MCM3AP: variants seen among roughly 807,000 people sequenced by gnomAD.
MCM3AP encodes the protein germinal-center associated nuclear protein.
MCM3AP carries 126 observed loss-of-function variants against 184.1 expected under a neutral mutation model. The ratio of observed to expected loss-of-function variants is 0.68; its 90% CI spans 0.59 to 0.79. MCM3AP has a LOEUF of 0.79. Among genes scored for constraint, MCM3AP ranks in the 30% least tolerant of loss-of-function variants. MCM3AP has a pLI of 0.00. For synonymous variants in MCM3AP, 1,002 were observed against 979.3 expected (o/e 1.02, Z -0.43); for missense variants, 2,496 against 2,479.2 (o/e 1.01, Z -0.14).
chr21:46,242,784 A>C lies in MCM3AP; in HGVS notation c.5426+18T>G. On this transcript the variant is annotated intron_variant, in intron 25 of 27. Transcript: ENST00000291688. The stretch of plus-strand genomic sequence containing the variant: ...ACAGTTTAGCAAGCAACAGAAACAT[A>C]CTGAACATGAACCTCACCGTCCCTC... The C allele has an allele frequency of 6.3e-7, 1 of 1,594,806 alleles. No homozygotes were observed. Among genetic ancestry groups the C allele is most frequent in the Admixed American group, 1.8e-5 (1 of 54,242 alleles).
intron 19 of MCM3AP, 184 bp from the exon 20 acceptor site, chr21:46,251,866 C>A: frequency 2.5e-6 from 1 of 400,010 alleles, no homozygotes; most frequent in Non-Finnish European, 4.6e-6. Context: ...AATGGAGCAA[C>A]GATCTGTACT....
rs763821918 is a variant in MCM3AP, at chr21:46,283,764, A to G, written c.1294T>C (p.Ser432Pro). 16 of 1,614,002 alleles carry G rather than the reference A, an allele frequency of 9.9e-6. No homozygotes were observed. Among genetic ancestry groups the G allele is most frequent in the Non-Finnish European group, 1.1e-5 (13 of 1,179,978 alleles). ...STDSLGGLSP[S>P]EVTAIQCKNI... ...TTGCACTGGATGGCTGTGACTTCAGAGGGAGACAAGCCCCCAAGACTGTCT... is the reference window on the plus strand; with the variant it reads ...TTGCACTGGATGGCTGTGACTTCAGGGGGAGACAAGCCCCCAAGACTGTCT... Residue 432 changes from serine to proline, a missense_variant, in exon 2 of 28, where the codon TCT (serine) becomes CCT (proline). Physicochemically the swap from Ser to Pro is moderately conservative, Grantham distance 74. Around this residue, in one of 5 missense-constraint regions of MCM3AP, gnomAD observed 800 missense variants for 717.1 expected, o/e 1.12. Coordinates refer to ENST00000291688, the MANE Select transcript of MCM3AP (RefSeq NM_003906.5).
intron 27 of MCM3AP, chr21:46,236,408 C>T (rs1191512274): frequency 6.5e-6 from 1 of 154,026 alleles, no homozygotes; most frequent in African/African-American, 2.4e-5. Flanking sequence ...CTTGAACACT[C>T]TTGGGTGAGG....
intron 16 of MCM3AP, among the ~76,000 whole-genome samples, chr21:46,258,693 C>G (rs2080993024): frequency 6.6e-6 from 1 of 151,020 alleles, no homozygotes; most frequent in African/African-American, 2.4e-5. Context: ...TACAGAGTAG[C>G]CACCACGTCC....
intron 22 of MCM3AP, among the ~76,000 whole-genome samples, chr21:46,246,064 G>A (rs1313605679): frequency 1.3e-5 from 2 of 152,142 alleles, no homozygotes; most frequent in Non-Finnish European, 2.9e-5. Context: ...TACAACTGCT[G>A]CCAGGCGCAG....
rs752516320 is a variant in MCM3AP at position 46,283,657 on chromosome 21, G to A, written c.1401C>T (p.Thr467=). The A allele has an allele frequency of 9.3e-6, 15 of 1,613,864 alleles. No individual in the cohort carries two copies. The highest frequency in any genetic ancestry group is 1.3e-5 in the Non-Finnish European group (15 of 1,179,940). Residue 467 remains threonine (T), a synonymous_variant, in exon 2 of 28, where the codon ACC becomes ACT. Transcript: ENST00000291688. The part of the protein sequence containing the change: ...GKIAKVQRIF[T]RRSKKLAVVH... ...CCACTGCAAGCTTTTTGCTGCGCCT[G>A]GTAAAGATGCGCTGCACTTTAGCAA...
chr21:46,268,436 G>A (rs1298313302), intron 9 of MCM3AP, among the ~76,000 whole-genome samples: 1 of 152,218 alleles, frequency 6.6e-6, no homozygotes, highest in Non-Finnish European at 1.5e-5. Context: ...TGACATGCCA[G>A]GGGAGAGACC....
At chr21:46,256,542 G>A in intron 17 of MCM3AP, 1 of 550,138 alleles carries the variant, frequency 1.8e-6, no homozygotes, top group Non-Finnish European at 3.2e-6. Context: ...TCAGGCACCA[G>A]GACGCTGAGT....
chr21:46,283,098 T>C (rs1396419526), intron 2 of MCM3AP, among the ~76,000 whole-genome samples: 1 of 151,968 alleles, frequency 6.6e-6, no homozygotes, highest in Non-Finnish European at 1.5e-5. Context: ...GCTAATTTTT[T>C]GTATTTTTAG....
intron 17 of MCM3AP, 114 bp downstream of exon 17, chr21:46,256,675 C>CA: frequency 7.6e-7 from 1 of 1,312,156 alleles, no homozygotes; most frequent in Non-Finnish European, 1.0e-6. Flanking sequence ...CACCTATCTT[C>CA]GCCTCCAGGC....
At position 46,268,804 on chromosome 21, in the gene MCM3AP, G is replaced by A. The variant is rs189491015; in HGVS notation, c.2628+1597C>T. 1.6e-4 allele frequency among the ~76,000 whole-genome samples: 24 copies of A among 152,318 alleles called. No individual in the cohort carries two copies. In the East Asian group the frequency reaches 2.9e-3, roughly 18 times the overall value. ...CATGCCTGTAATCCCAGCACTTTGG[G>A]AGGCCGAGGTGGGTGGATCACCTGA... On this transcript the variant is annotated intron_variant, in intron 9 of 27. Transcript: ENST00000291688.
chr21:46,270,629 A>G (rs963338656), intron 8 of MCM3AP, 66 bp from the exon 9 acceptor site: 1 of 1,328,966 alleles, frequency 7.5e-7, no homozygotes, highest in African/African-American at 1.5e-5. Flanking sequence ...TTTCATGAAG[A>G]TAGATCTGAT....
At position 46,284,895 on chromosome 21, in the gene MCM3AP, G is replaced by C. The variant is rs1255156529; in HGVS notation, c.392C>G (p.Ala131Gly). 1.2e-6 allele frequency: 2 copies of C among 1,614,184 alleles called. No individual in the cohort carries two copies. Among genetic ancestry groups the C allele is most frequent in the Non-Finnish European group, 1.7e-6 (2 of 1,180,044 alleles). ...AAAACCAGAGTTCACTATTTCTCCA[G>C]CTTCTTGTCCAAAAGCAGAAGTGCT... ...FPSTSAFGQE[A>G]GEIVNSGFGK... Residue 131 changes from alanine (A) to glycine (G), a missense_variant, in exon 1 of 28, where the codon GCT becomes GGT. By Grantham distance (60) the Ala-to-Gly change is moderately conservative (BLOSUM62 0). Transcript: ENST00000291688.
intron 27 of MCM3AP, 75 bp from the exon 28 acceptor site, chr21:46,235,501 A>T: frequency 1.6e-6 from 2 of 1,289,180 alleles, no homozygotes; most frequent in Non-Finnish European, 2.2e-6. Flanking sequence ...AAGGTACTAG[A>T]TCTGGATCAT....
chr21:46,271,435 C>T (rs55797292), intron 8 of MCM3AP, among the ~76,000 whole-genome samples: 1 of 151,756 alleles, frequency 6.6e-6, no homozygotes, highest in East Asian at 1.9e-4. Flanking sequence ...CTCAAGGGAT[C>T]CTCCCACCTC....
At position 46,256,260 on chromosome 21, in the gene MCM3AP, C is replaced by A. The variant is rs556668956; in HGVS notation, c.3932+529G>T. Reference sequence around the variant, plus strand: ...ATGGCCCTGAGGAGCCGGTTCTGCTCGGGGTAACCAGGAGGAGTGGCAGGG... The same window carrying A: ...ATGGCCCTGAGGAGCCGGTTCTGCTAGGGGTAACCAGGAGGAGTGGCAGGG... On this transcript the variant is annotated intron_variant, in intron 17 of 27. Coordinates refer to ENST00000291688, the MANE Select transcript of MCM3AP (RefSeq NM_003906.5). 2.0e-5 allele frequency among the ~76,000 whole-genome samples: 3 copies of A among 152,136 alleles called. No individual in the cohort carries two copies. In the East Asian group the frequency reaches 5.8e-4, roughly 30 times the overall value.
rs1360693678 is a variant in MCM3AP at position 46,244,812 on chromosome 21, A to G, written c.5033T>C (p.Leu1678Pro). 2 of 1,611,524 alleles carry G rather than the reference A, an allele frequency of 1.2e-6. No homozygotes were observed. The highest frequency in any genetic ancestry group is 1.1e-5 in the South Asian group (1 of 90,748). ...TCCCCAGGTCAAGCACGTACCCCCC[A>G]GGGGTGGAAGGTCCATCTGCGGAAG... Reference protein sequence around the residue: ...FQLPQMDLPPLGAPWLPVCSM... With the variant: ...FQLPQMDLPPPGAPWLPVCSM... The change falls in exon 23 of 28, where the codon CTG becomes CCG. Residue 1678 changes from leucine to proline, a missense_variant. This residue lies in a region of MCM3AP where 1,323 missense variants were observed against 1,273.4 expected (regional missense o/e 1.04). Transcript: ENST00000291688.
At position 46,272,691 on chromosome 21, in the gene MCM3AP, T is replaced by C. The variant is rs768948467; in HGVS notation, c.2335A>G (p.Met779Val). ...TTCAGGCTCTGCAGGCACTTGGTCA[T>C]GTTCTCATTATTGATCTTGGCATCA... is the stretch of plus-strand genomic sequence containing the variant. ...SFDAKINNEN[M>V]TKCLQSLKEM... Residue 779 changes from methionine to valine, a missense_variant, in exon 8 of 28, where the codon ATG (methionine) becomes GTG (valine). Around this residue, in one of 5 missense-constraint regions of MCM3AP, gnomAD observed 105 missense variants for 97.1 expected, o/e 1.08. Transcript: ENST00000291688. 2 of 1,614,104 alleles carry C rather than the reference T, an allele frequency of 1.2e-6. No individual in the cohort carries two copies. The highest frequency in any genetic ancestry group is 2.7e-5 in the African/African-American group (2 of 74,932).
chr21:46,285,507 T>C lies in MCM3AP; in HGVS notation c.-221A>G, dbSNP rs958798007. 5.5e-6 allele frequency: 3 copies of C among 542,104 alleles called. No individual in the cohort carries two copies. The highest frequency in any genetic ancestry group is 2.5e-5 in the South Asian group (1 of 39,734). 33.6% of individuals were successfully genotyped at this position (542,104 alleles called of 1,614,324 possible). ...AACTATTTCAAAGGCAGGCAAAGGGTTATTATTTTCTGAGAGCCGATAGGT... is the reference window on the plus strand; with the variant it reads ...AACTATTTCAAAGGCAGGCAAAGGGCTATTATTTTCTGAGAGCCGATAGGT... On this transcript the variant is annotated 5_prime_UTR_variant, in exon 1 of 28. Transcript: ENST00000291688.
Sources: gnomAD v4.1 joint callset for allele counts (sites outside exome capture counted in the v4.1 genomes callset) on GRCh38, gnomAD v4.1.1 for gene constraint, gnomAD v4.1.1 regional missense constraint, MANE v1.5 for transcripts, NCBI Gene and HGNC (gene_info 2026-07-23, HGNC 2026-07-21) for gene names.